CLYBL: variants seen among roughly 807,000 people sequenced by gnomAD.
The protein encoded by CLYBL is citramalyl-CoA lyase, mitochondrial.
Under a neutral mutation model 38.9 loss-of-function variants are expected in CLYBL, and 31 were observed. The observed-to-expected ratio is 0.80, with a 90% CI of 0.60 to 1.08. The LOEUF (loss-of-function observed/expected upper bound fraction) is 1.08, where lower values mean the gene tolerates loss of function less well. Among genes scored for constraint, CLYBL ranks in the 50% least tolerant of loss-of-function variants. The pLI, the probability that CLYBL is intolerant of heterozygous loss-of-function variation, is 0.00. For missense variants in CLYBL, 434 were observed against 411.6 expected, an observed-to-expected ratio of 1.05 and a Z score of -0.47; for synonymous variants, 171 against 158.6, an observed-to-expected ratio of 1.08 and a Z score of -0.59.
chr13:99,790,424 C>G (rs1474510590), intron 2 of CLYBL, among the ~76,000 whole-genome samples: 1 of 152,122 alleles, frequency 6.6e-6, no homozygotes, highest in East Asian at 1.9e-4. Context: ...ATTTGCCTGT[C>G]TGTAAAGGAT....
chr13:99,734,984 A>G (rs1049668350), intron 1 of CLYBL, among the ~76,000 whole-genome samples: 2 of 152,214 alleles, frequency 1.3e-5, no homozygotes, highest in Non-Finnish European at 2.9e-5. Context: ...CTCACTTGCT[A>G]TACCAGCGCA....
intron 1 of CLYBL, among the ~76,000 whole-genome samples, chr13:99,616,784 C>T (rs971322999): frequency 6.6e-6 from 1 of 151,992 alleles, no homozygotes; most frequent in African/African-American, 2.4e-5. Context: ...GGTGAAACCC[C>T]GTCTCTACTA....
At chr13:99,793,413 A>G (rs1414984118) in intron 2 of CLYBL, among the ~76,000 whole-genome samples, 1 of 152,176 alleles carries the variant, frequency 6.6e-6, no homozygotes, top group Non-Finnish European at 1.5e-5. Context: ...AACAGTGTGG[A>G]AAGCTGAACT....
chr13:99,770,966 C>T (rs1036648852), intron 1 of CLYBL, among the ~76,000 whole-genome samples: 7 of 150,990 alleles, frequency 4.6e-5, no homozygotes, highest in African/African-American at 1.2e-4. Flanking sequence ...ATGATCCACC[C>T]GCCTTGGCCT....
Position 99,874,310 on chromosome 13 carries a change from T to C in CLYBL, c.927+3248T>C, listed in dbSNP as rs369721843. 4.6e-5 allele frequency among the ~76,000 whole-genome samples: 7 copies of C among 152,362 alleles called. No individual in the cohort carries two copies. In the South Asian group the frequency reaches 6.2e-4, roughly 14 times the overall value. ...CCTTCCAGAAAAATGTTTTTTGAGATACAACGTGCATACCATTAATTATTT... is the reference window on the plus strand; with the variant it reads ...CCTTCCAGAAAAATGTTTTTTGAGACACAACGTGCATACCATTAATTATTT... On this transcript the variant is annotated intron_variant, in intron 7 of 8. Transcript: ENST00000339105.
At chr13:99,824,257 G>GCCCCCTCCCCCCCC (rs2050647106) in intron 2 of CLYBL, among the ~76,000 whole-genome samples, 1 of 130,414 alleles carries the variant, frequency 7.7e-6, no homozygotes, top group Non-Finnish European at 1.6e-5. Flanking sequence ...CTGACTAATA[G>GCCCCCTCCCCCCCC]CCCCCCCCAC....
intron 2 of CLYBL, among the ~76,000 whole-genome samples, chr13:99,797,577 T>TGTGTGTGTG (rs1423394250): frequency 6.6e-6 from 1 of 151,770 alleles, no homozygotes; most frequent in African/African-American, 2.4e-5. Flanking sequence ...TGTGTGTGTG[T>TGTGTGTGTG]GTGTGTGTGT....
At chr13:99,880,068 A>ATATATATATTTTTT (rs34063235) in intron 7 of CLYBL, among the ~76,000 whole-genome samples, 2 of 101,210 alleles carry the variant, frequency 2.0e-5, no homozygotes, top group African/African-American at 8.1e-5. Flanking sequence ...ATATATATAT[A>ATATATATATTTTTT]TTTTTTTTTT....
intron 1 of CLYBL, among the ~76,000 whole-genome samples, chr13:99,621,138 T>A (rs535400613): frequency 6.6e-6 from 1 of 152,114 alleles, no homozygotes; most frequent in South Asian, 2.1e-4. Flanking sequence ...CCTGAACACA[T>A]AAATACACTT....
At chr13:99,760,939 C>T (rs1325624846) in intron 1 of CLYBL, among the ~76,000 whole-genome samples, 2 of 152,218 alleles carry the variant, frequency 1.3e-5, no homozygotes, top group African/African-American at 4.8e-5. Flanking sequence ...AGTCACCCTA[C>T]TGATCTGTTT....
At chr13:99,818,090 AAAAAG>A (rs2050497501) in intron 2 of CLYBL, among the ~76,000 whole-genome samples, 1 of 152,076 alleles carries the variant, frequency 6.6e-6, no homozygotes, top group Admixed American at 6.5e-5. Context: ...GGGAGAAAAA[AAAAAG>A]GAAAGACCTG....
intron 2 of CLYBL, 35 bp downstream of exon 2, chr13:99,773,045 G>T: frequency 2.5e-6 from 4 of 1,581,554 alleles, no homozygotes; most frequent in Non-Finnish European, 3.4e-6. Flanking sequence ...AAAAAGAAAG[G>T]TATTGAAATT....
chr13:99,837,043 TAAAA>T (rs34500560), intron 2 of CLYBL, among the ~76,000 whole-genome samples: 1 of 147,934 alleles, frequency 6.8e-6, no homozygotes, highest in African/African-American at 2.5e-5. Context: ...GTATAATAAT[TAAAA>T]AAAAAAGGAG....
At chr13:99,606,852 C>T in intron 1 of CLYBL, 95 bp downstream of exon 1, 1 of 1,287,758 alleles carries the variant, frequency 7.8e-7, no homozygotes, top group African/African-American at 1.6e-5. Context: ...CCTCCCCAAG[C>T]CCTCACGGGA....
At chr13:99,697,441 A>G (rs1233375481) in intron 1 of CLYBL, among the ~76,000 whole-genome samples, 1 of 152,098 alleles carries the variant, frequency 6.6e-6, no homozygotes, top group East Asian at 1.9e-4. Context: ...CAGTGGTGCA[A>G]TCTTGGCTCA....
intron 1 of CLYBL, among the ~76,000 whole-genome samples, chr13:99,667,824 A>G (rs1016834343): frequency 3.3e-5 from 5 of 152,198 alleles, no homozygotes; most frequent in African/African-American, 9.6e-5. Context: ...TACTATTCCA[A>G]TTGGCAAATG....
chr13:99,783,199 C>T (rs926417567), intron 2 of CLYBL, among the ~76,000 whole-genome samples: 1 of 151,672 alleles, frequency 6.6e-6, no homozygotes, highest in Non-Finnish European at 1.5e-5. Flanking sequence ...TGCACCACCA[C>T]GCCCAGCTGA....
At position 99,880,068 on chromosome 13, in the gene CLYBL, A is replaced by ATATAT. The variant is rs34063235; in HGVS notation, c.927+9007_927+9008insATATT. On this transcript the variant is annotated intron_variant, in intron 7 of 8. Transcript: ENST00000339105. ...TGTGTATGTATATATATATATATAT[A>ATATAT]TTTTTTTTTTTTTTTTTGAGACAGA... Among the ~76,000 whole-genome samples, 356 of 101,184 alleles carry ATATAT rather than the reference A, an allele frequency of 3.5e-3. 1 individual carries two copies. The highest frequency in any genetic ancestry group is 8.7e-3 in the African/African-American group (214 of 24,670). The allele number at this position is 101,184 out of a possible 152,430, so 66.4% of individuals were successfully genotyped here.
chr13:99,756,734 C>T (rs1424042704), intron 1 of CLYBL, among the ~76,000 whole-genome samples: 1 of 152,132 alleles, frequency 6.6e-6, no homozygotes, highest in Non-Finnish European at 1.5e-5. Flanking sequence ...AAGCTTCCCA[C>T]ATGATCATAA....
Sources: allele counts gnomAD v4.1 joint callset (sites outside exome capture counted in the v4.1 genomes callset), GRCh38; gene constraint gnomAD v4.1.1; transcripts MANE v1.5; gene names NCBI Gene and HGNC (gene_info 2026-07-23, HGNC 2026-07-21).